Variants in MGAT5 observed in about 807,000 individuals in gnomAD.
MGAT5 encodes the protein alpha-1,6-mannosylglycoprotein 6-beta-N-acetylglucosaminyltransferase.
A neutral mutation model predicts 94.3 loss-of-function variants in MGAT5; 30 were observed. The observed-to-expected ratio is 0.32, with a 90% CI of 0.24 to 0.43. The LOEUF (loss-of-function observed/expected upper bound fraction) is 0.43, where lower values mean the gene tolerates loss of function less well. Among genes scored for constraint, MGAT5 ranks in the 20% least tolerant of loss-of-function variants. The pLI, the probability that MGAT5 is intolerant of heterozygous loss-of-function variation, is 1.00. For synonymous variants in MGAT5, 310 were observed against 322.9 expected (o/e 0.96, Z 0.43); for missense variants, 691 against 905.5 (o/e 0.76, Z 3.04).
At chr2:134,432,615 C>T (rs889550510) in intron 14 of MGAT5, among the ~76,000 whole-genome samples, 1 of 152,202 alleles carries the variant, frequency 6.6e-6, no homozygotes, top group East Asian at 1.9e-4. Context: ...CCAGCCTTTC[C>T]TGCACCCAGA....
chr2:134,411,664 G>A (rs1227767350), intron 11 of MGAT5, among the ~76,000 whole-genome samples: 1 of 152,194 alleles, frequency 6.6e-6, no homozygotes, highest in East Asian at 1.9e-4. Flanking sequence ...CTTGGGCCTG[G>A]CACCCTCCAG....
At chr2:134,238,309 G>T (rs914682277) in intron 1 of MGAT5, among the ~76,000 whole-genome samples, 1 of 152,230 alleles carries the variant, frequency 6.6e-6, no homozygotes, top group African/African-American at 2.4e-5. Context: ...CATTGGAAGA[G>T]AGAAAGTCTG....
At chr2:134,439,910 C>T (rs1028181858) in intron 14 of MGAT5, among the ~76,000 whole-genome samples, 3 of 152,152 alleles carry the variant, frequency 2.0e-5, no homozygotes, top group African/African-American at 4.8e-5. Context: ...CCTCGGCTTG[C>T]GTCAGTGCTA....
At chr2:134,322,683 G>A (rs920512732) in intron 4 of MGAT5, among the ~76,000 whole-genome samples, 17 of 152,072 alleles carry the variant, frequency 1.1e-4, no homozygotes, top group African/African-American at 2.9e-4. Context: ...GGCTTTGTAG[G>A]AGCTGTTGGT....
chr2:134,322,511 C>T (rs1687392443), intron 4 of MGAT5, among the ~76,000 whole-genome samples: 1 of 152,088 alleles, frequency 6.6e-6, no homozygotes, highest in Non-Finnish European at 1.5e-5. Flanking sequence ...AGTATTTTCC[C>T]TTGATTGGTC....
intron 1 of MGAT5, among the ~76,000 whole-genome samples, chr2:134,191,325 G>A (rs1439533107): frequency 6.6e-6 from 1 of 152,258 alleles, no homozygotes; most frequent in African/African-American, 2.4e-5. Flanking sequence ...CTGTTTACAG[G>A]TGAGAACTTT....
chr2:134,135,122 G>C (rs1686345365), intron 1 of MGAT5, among the ~76,000 whole-genome samples: 1 of 152,130 alleles, frequency 6.6e-6, no homozygotes, highest in Non-Finnish European at 1.5e-5. Context: ...ATTGCATATT[G>C]AAATACATTA....
intron 2 of MGAT5, among the ~76,000 whole-genome samples, chr2:134,286,222 T>G (rs777729878): frequency 3.3e-5 from 5 of 152,216 alleles, no homozygotes; most frequent in Admixed American, 6.6e-5. Context: ...GTCTTCCTGA[T>G]GCTTTCTGCC....
At chr2:134,131,217 C>G (rs1158879323) in intron 1 of MGAT5, among the ~76,000 whole-genome samples, 1 of 152,222 alleles carries the variant, frequency 6.6e-6, no homozygotes, top group Non-Finnish European at 1.5e-5. Flanking sequence ...AAGGAACAAA[C>G]TCCGGTCACG....
At position 134,207,254 on chromosome 2, in the gene MGAT5, G is replaced by A. The variant is rs545764433; in HGVS notation, c.-142-47008G>A. On this transcript the variant is annotated intron_variant, in intron 1 of 16. Transcript: ENST00000409645. ...GACCCACCTTGATAATTATCTTAAG[G>A]TCAGCTGATTAGCTACCTTAACTCC... Among the ~76,000 whole-genome samples the A allele has an allele frequency of 6.2e-4, 95 of 152,238 alleles. 1 individual carries two copies. Among genetic ancestry groups the A allele is most frequent in the Non-Finnish European group, 1.1e-3 (75 of 68,010 alleles).
intron 1 of MGAT5, among the ~76,000 whole-genome samples, chr2:134,223,992 C>T (rs951032313): frequency 2.0e-5 from 3 of 152,174 alleles, no homozygotes; most frequent in African/African-American, 7.2e-5. Context: ...CAAAAACATA[C>T]TTTACCCAAA....
At chr2:134,413,586 A>G (rs533950392) in intron 12 of MGAT5, among the ~76,000 whole-genome samples, 95 of 152,310 alleles carry the variant, frequency 6.2e-4, no homozygotes, top group African/African-American at 2.1e-3. Flanking sequence ...ATGAATCACC[A>G]TTGAGGGTAG....
intron 1 of MGAT5, among the ~76,000 whole-genome samples, chr2:134,258,036 A>G (rs1388675363): frequency 1.3e-5 from 2 of 152,082 alleles, no homozygotes; most frequent in African/African-American, 4.8e-5. Flanking sequence ...ATAAATGGGT[A>G]TACAGTAGGT....
intron 1 of MGAT5, among the ~76,000 whole-genome samples, chr2:134,184,719 T>TTATC: frequency 6.6e-6 from 1 of 151,736 alleles, no homozygotes; most frequent in South Asian, 2.1e-4. Flanking sequence ...TAAAATATAA[T>TTATC]TACTGATGTG....
chr2:134,418,683 A>G (rs1380991321), intron 12 of MGAT5, among the ~76,000 whole-genome samples: 1 of 152,216 alleles, frequency 6.6e-6, no homozygotes, highest in Non-Finnish European at 1.5e-5. Context: ...TGCTGGGTGG[A>G]GGATGTGCAG....
At chr2:134,208,397 A>G (rs547849358) in intron 1 of MGAT5, among the ~76,000 whole-genome samples, 39 of 152,158 alleles carry the variant, frequency 2.6e-4, no homozygotes, top group Non-Finnish European at 4.9e-4. Context: ...CTCAGAAAAA[A>G]CCTTATTAGA....
intron 1 of MGAT5, among the ~76,000 whole-genome samples, chr2:134,189,365 G>A (rs1689203438): frequency 6.6e-6 from 1 of 152,088 alleles, no homozygotes; most frequent in African/African-American, 2.4e-5. Context: ...GTAGTCCAAG[G>A]ATTTTGAACC....
intron 10 of MGAT5, among the ~76,000 whole-genome samples, chr2:134,373,551 G>A (rs573638495): frequency 1.2e-4 from 19 of 152,284 alleles, no homozygotes; most frequent in Middle Eastern, 3.4e-3. Context: ...AATACAGCTT[G>A]TAGGAAAACA....
At chr2:134,207,196 T>C (rs1680057022) in intron 1 of MGAT5, among the ~76,000 whole-genome samples, 1 of 152,184 alleles carries the variant, frequency 6.6e-6, no homozygotes, top group Non-Finnish European at 1.5e-5. Flanking sequence ...TCTGCTTCCC[T>C]CTTCCGCATT....
Sources: allele counts gnomAD v4.1 joint callset (sites outside exome capture counted in the v4.1 genomes callset), GRCh38; gene constraint gnomAD v4.1.1; transcripts MANE v1.5; gene names NCBI Gene and HGNC (gene_info 2026-07-23, HGNC 2026-07-21).